HS3ST4: variants seen among roughly 807,000 people sequenced by gnomAD.
The protein encoded by HS3ST4 is heparan sulfate glucosamine 3-O-sulfotransferase 4.
A neutral mutation model predicts 29.2 loss-of-function variants in HS3ST4; 17 were observed. The observed-to-expected ratio is 0.58, with a 90% confidence interval of 0.40 to 0.87. The LOEUF is 0.87. HS3ST4 is among the 40% of genes least tolerant of loss of function. HS3ST4 has a pLI of 0.00. For synonymous variants in HS3ST4, 314 were observed against 285.7 expected (o/e 1.10, Z -1.00); for missense variants, 627 against 634.5 (o/e 0.99, Z 0.13).
At chr16:26,016,202 G>C (rs1969360879) in intron 1 of HS3ST4, among the ~76,000 whole-genome samples, 1 of 152,172 alleles carries the variant, frequency 6.6e-6, no homozygotes, top group African/African-American at 2.4e-5. Flanking sequence ...AGTGTGCTCT[G>C]ATGAGGCTGT....
intron 1 of HS3ST4, among the ~76,000 whole-genome samples, chr16:26,108,642 A>T (rs1899087914): frequency 1.3e-5 from 2 of 152,222 alleles, no homozygotes; most frequent in African/African-American, 4.8e-5. Context: ...ACCCCAGAGG[A>T]TCATTTTAAG....
chr16:25,854,527 T>C (rs1967555503), intron 1 of HS3ST4, among the ~76,000 whole-genome samples: 1 of 152,138 alleles, frequency 6.6e-6, no homozygotes, highest in African/African-American at 2.4e-5. Context: ...GCCGACCTCC[T>C]ATCTCATCCT....
intron 1 of HS3ST4, among the ~76,000 whole-genome samples, chr16:25,917,299 A>G (rs543905438): frequency 6.6e-6 from 1 of 151,600 alleles, no homozygotes; most frequent in South Asian, 2.1e-4. Context: ...TGCAACCTCC[A>G]CCTCCCAGGT....
At chr16:25,964,288 G>A (rs1408183705) in intron 1 of HS3ST4, among the ~76,000 whole-genome samples, 1 of 152,064 alleles carries the variant, frequency 6.6e-6, no homozygotes, top group Non-Finnish European at 1.5e-5. Context: ...TGTGCTGACT[G>A]TCAGGGTGAC....
At chr16:26,127,987 C>T (rs1271287445) in intron 1 of HS3ST4, among the ~76,000 whole-genome samples, 1 of 152,112 alleles carries the variant, frequency 6.6e-6, no homozygotes, top group African/African-American at 2.4e-5. Context: ...AGCCGAGCTC[C>T]TCTTTCCCCT....
chr16:25,888,724 T>C lies in HS3ST4; in HGVS notation c.734+195573T>C, dbSNP rs1313256341. ...CTAGTCCCTAAGATAAAGTGGGTAC[T>C]ATTGGATAGAAAAATAAGAGAGAGT... is the stretch of plus-strand genomic sequence containing the variant. On this transcript the variant is annotated intron_variant, in intron 1 of 1. Coordinates refer to ENST00000331351, the MANE Select transcript of HS3ST4 (RefSeq NM_006040.3). Among the ~76,000 whole-genome samples the C allele has an allele frequency of 2.0e-5, 3 of 152,200 alleles. No individual in the cohort carries two copies. The East Asian group carries it at 5.8e-4, about 29-fold the overall frequency.
chr16:26,075,363 T>C (rs893638755), intron 1 of HS3ST4, among the ~76,000 whole-genome samples: 1 of 152,156 alleles, frequency 6.6e-6, no homozygotes, highest in South Asian at 2.1e-4. Context: ...TTAACAAGTC[T>C]CTCCCTCTTA....
At chr16:25,797,380 C>A (rs1019594416) in intron 1 of HS3ST4, among the ~76,000 whole-genome samples, 4 of 152,090 alleles carry the variant, frequency 2.6e-5, no homozygotes, top group African/African-American at 7.2e-5. Context: ...TATGACATGG[C>A]GTTTTGCAAG....
At chr16:25,804,399 T>C (rs1966970137) in intron 1 of HS3ST4, among the ~76,000 whole-genome samples, 1 of 152,230 alleles carries the variant, frequency 6.6e-6, no homozygotes, top group East Asian at 1.9e-4. Flanking sequence ...TTTAATGTTT[T>C]AATCCCATAA....
At chr16:25,706,309 T>G (rs1966375571) in intron 1 of HS3ST4, among the ~76,000 whole-genome samples, 1 of 152,224 alleles carries the variant, frequency 6.6e-6, no homozygotes, top group African/African-American at 2.4e-5. Flanking sequence ...CTTTTCAGGC[T>G]GTGTTTCCCA....
chr16:25,841,387 C>G (rs759369713), intron 1 of HS3ST4, among the ~76,000 whole-genome samples: 14 of 152,064 alleles, frequency 9.2e-5, no homozygotes, highest in Non-Finnish European at 1.5e-4. Flanking sequence ...GCAGCCTCAA[C>G]CTCCCCAGGC....
chr16:25,893,952 T>A lies in HS3ST4; in HGVS notation c.734+200801T>A, dbSNP rs76124387. 1.1e-4 allele frequency among the ~76,000 whole-genome samples: 17 copies of A among 152,286 alleles called. No individual in the cohort carries two copies. In the East Asian group the frequency reaches 3.1e-3, roughly 28 times the overall value. On this transcript the variant is annotated intron_variant, in intron 1 of 1. Coordinates refer to ENST00000331351, the MANE Select transcript of HS3ST4 (RefSeq NM_006040.3). ...TCAGGCCAGCCAGTAGAGGATTGCT[T>A]GGGTGGTGAAGCATTTCTTCCAGGT...
At chr16:25,876,001 A>G (rs1967828426) in intron 1 of HS3ST4, among the ~76,000 whole-genome samples, 1 of 152,296 alleles carries the variant, frequency 6.6e-6, no homozygotes, top group African/African-American at 2.4e-5. Context: ...GATTTCTGGA[A>G]CATAGACTCA....
chr16:25,782,760 T>C (rs1266992783), intron 1 of HS3ST4, among the ~76,000 whole-genome samples: 1 of 152,190 alleles, frequency 6.6e-6, no homozygotes, highest in Non-Finnish European at 1.5e-5. Flanking sequence ...CCTAACCTCT[T>C]TTAAAATTAA....
chr16:26,107,250 T>TACAC (rs372826067), intron 1 of HS3ST4, among the ~76,000 whole-genome samples: 1 of 151,512 alleles, frequency 6.6e-6, no homozygotes, highest in African/African-American at 2.4e-5. Context: ...AACACAAAAC[T>TACAC]ACACACACAC....
intron 1 of HS3ST4, among the ~76,000 whole-genome samples, chr16:25,855,500 A>G (rs1018743321): frequency 6.6e-6 from 1 of 152,172 alleles, no homozygotes; most frequent in Admixed American, 6.5e-5. Flanking sequence ...TTTCCTTCAG[A>G]GTTTGCTATC....
chr16:25,766,395 A>G (rs1966819324), intron 1 of HS3ST4, among the ~76,000 whole-genome samples: 1 of 152,126 alleles, frequency 6.6e-6, no homozygotes, highest in Admixed American at 6.5e-5. Flanking sequence ...ACTAGCAGAG[A>G]TTTTAGTTAT....
chr16:25,893,653 T>C (rs536687262), intron 1 of HS3ST4, among the ~76,000 whole-genome samples: 4 of 152,334 alleles, frequency 2.6e-5, no homozygotes, highest in East Asian at 1.9e-4. Flanking sequence ...AATGACCCAG[T>C]TGGGGTCATA....
chr16:26,099,409 A>C (rs1325941892), intron 1 of HS3ST4, among the ~76,000 whole-genome samples: 1 of 152,106 alleles, frequency 6.6e-6, no homozygotes, highest in Non-Finnish European at 1.5e-5. Flanking sequence ...TCATGCCTCC[A>C]CCTCAAAAAG....
Sources: gnomAD v4.1 joint callset for allele counts (sites outside exome capture counted in the v4.1 genomes callset) on GRCh38, gnomAD v4.1.1 for gene constraint, MANE v1.5 for transcripts, NCBI Gene and HGNC (gene_info 2026-07-23, HGNC 2026-07-21) for gene names.